NRG3: variants seen among roughly 807,000 people sequenced by gnomAD.
NRG3 encodes neuregulin 3, also known as pro-neuregulin-3, membrane-bound isoform.
Under a neutral mutation model 66.9 loss-of-function variants are expected in NRG3, and 31 were observed. The observed-to-expected ratio is 0.46, with a 90% CI of 0.35 to 0.63. NRG3 has a LOEUF of 0.63. Among genes scored for constraint, NRG3 ranks in the 20% least tolerant of loss-of-function variants. The probability of loss-of-function intolerance (pLI) is 0.00; values close to 1 mark genes in which losing one functional copy is unlikely to be tolerated. For missense variants in NRG3, 910 were observed against 878.9 expected, an observed-to-expected ratio of 1.04 and a Z score of -0.45; for synonymous variants, 393 against 359.4, an observed-to-expected ratio of 1.09 and a Z score of -1.06.
At chr10:82,523,721 C>T (rs1451057340) in intron 2 of NRG3, among the ~76,000 whole-genome samples, 3 of 152,048 alleles carry the variant, frequency 2.0e-5, no homozygotes. Flanking sequence ...TAATTCTATA[C>T]CAAAGGACAC....
chr10:82,192,590 C>T (rs1198534182), intron 1 of NRG3, among the ~76,000 whole-genome samples: 1 of 152,184 alleles, frequency 6.6e-6, no homozygotes, highest in Non-Finnish European at 1.5e-5. Context: ...TCCTGAGGCA[C>T]ATGACTTTGC....
At chr10:81,877,878 G>T in intron 1 of NRG3, 1 of 1,530,794 alleles carries the variant, frequency 6.5e-7, no homozygotes, top group South Asian at 1.2e-5. Context: ...GTGTATGTGT[G>T]AACATATTCA....
chr10:82,027,257 G>T (rs11192204), intron 1 of NRG3, among the ~76,000 whole-genome samples: 20,816 of 152,056 alleles, frequency 0.14, 1,790 homozygotes, highest in East Asian at 0.28. Flanking sequence ...TAAGTAAAGG[G>T]AATATTACAG....
chr10:82,791,943 T>C (rs1047518541), intron 3 of NRG3, among the ~76,000 whole-genome samples: 2 of 152,194 alleles, frequency 1.3e-5, no homozygotes, highest in African/African-American at 4.8e-5. Flanking sequence ...TTAGTGGACT[T>C]CTAGTTTTTA....
intron 1 of NRG3, among the ~76,000 whole-genome samples, chr10:82,077,488 C>T (rs777151356): frequency 9.2e-5 from 14 of 152,070 alleles, no homozygotes; most frequent in Admixed American, 7.9e-4. Flanking sequence ...AATTTCATAT[C>T]CCTTGGGGTA....
intron 1 of NRG3, among the ~76,000 whole-genome samples, chr10:82,170,662 A>T (rs893297628): frequency 1.1e-5 from 1 of 91,680 alleles, no homozygotes; most frequent in Non-Finnish European, 1.9e-5. Context: ...TGGTATATAT[A>T]TATATATATA....
intron 3 of NRG3, among the ~76,000 whole-genome samples, chr10:82,827,757 A>G (rs2062309201): frequency 6.6e-6 from 1 of 152,208 alleles, no homozygotes; most frequent in African/African-American, 2.4e-5. Flanking sequence ...CATATCTCCC[A>G]GAGTCAATTT....
intron 3 of NRG3, among the ~76,000 whole-genome samples, chr10:82,795,625 A>G (rs1429080222): frequency 6.6e-6 from 1 of 152,194 alleles, no homozygotes; most frequent in Non-Finnish European, 1.5e-5. Context: ...TCTTCTGGGC[A>G]GGGGCAAAAC....
chr10:82,021,782 TA>T (rs2062069694), intron 1 of NRG3, among the ~76,000 whole-genome samples: 2 of 123,354 alleles, frequency 1.6e-5, no homozygotes, highest in South Asian at 3.1e-4. Context: ...TTTGGGCATG[TA>T]GTATGTGTGT....
chr10:81,876,004 C>T lies in NRG3; in HGVS notation c.664C>T (p.Pro222Ser). ...AGGAACTCCAAGTACCCAGGCAATG[C>T]CCTCCTGGCCTACTGCGGCATACGC... The part of the protein sequence containing the change: ...VPGTPSTQAM[P>S]SWPTAAYATS... Residue 222 changes from proline to serine, a missense_variant, in exon 1 of 9, where the codon CCC becomes TCC. Pro to Ser is a moderately conservative substitution (Grantham distance 74). Coordinates refer to ENST00000372141, the MANE Select transcript of NRG3 (RefSeq NM_001010848.4). 6.2e-7 allele frequency: 1 copy of T among 1,613,962 alleles called. No individual in the cohort carries two copies. Among genetic ancestry groups the T allele is most frequent in the Non-Finnish European group, 8.5e-7 (1 of 1,180,000 alleles).
intron 1 of NRG3, among the ~76,000 whole-genome samples, chr10:82,313,340 A>T (rs2081130486): frequency 6.6e-6 from 1 of 152,130 alleles, no homozygotes; most frequent in Non-Finnish European, 1.5e-5. Context: ...CCATCTCAAA[A>T]AAATAAATAA....
chr10:82,776,563 A>G (rs746932580), intron 3 of NRG3, among the ~76,000 whole-genome samples: 14 of 152,148 alleles, frequency 9.2e-5, no homozygotes, highest in Non-Finnish European at 1.8e-4. Context: ...CATAATCTGA[A>G]TATTTATTCA....
At chr10:82,885,813 C>T (rs1267960633) in intron 4 of NRG3, among the ~76,000 whole-genome samples, 2 of 152,188 alleles carry the variant, frequency 1.3e-5, no homozygotes, top group East Asian at 3.9e-4. Context: ...CCGCCTGCCT[C>T]ATCCTCCCAA....
intron 6 of NRG3, among the ~76,000 whole-genome samples, chr10:82,972,176 T>G (rs542571661): frequency 6.6e-6 from 1 of 152,280 alleles, no homozygotes; most frequent in African/African-American, 2.4e-5. Context: ...AGTTTTTTCA[T>G]GTATTGTATA....
chr10:82,235,598 T>C (rs2076714898), intron 1 of NRG3, among the ~76,000 whole-genome samples: 1 of 152,210 alleles, frequency 6.6e-6, no homozygotes, highest in Admixed American at 6.5e-5. Flanking sequence ...TTTGCCACCC[T>C]AGCACTTTAT....
intron 1 of NRG3, among the ~76,000 whole-genome samples, chr10:82,170,852 A>G (rs988599915): frequency 1.3e-5 from 2 of 150,856 alleles, no homozygotes; most frequent in Admixed American, 6.6e-5. Flanking sequence ...CCCCCAATTG[A>G]TATTCCAATC....
chr10:82,564,997 T>C (rs1479162124), intron 2 of NRG3, among the ~76,000 whole-genome samples: 1 of 152,050 alleles, frequency 6.6e-6, no homozygotes. Context: ...AGATGACTAA[T>C]ACAATTAGAT....
At chr10:82,109,444 A>G (rs1362738514) in intron 1 of NRG3, among the ~76,000 whole-genome samples, 2 of 152,284 alleles carry the variant, frequency 1.3e-5, no homozygotes, top group Non-Finnish European at 2.9e-5. Flanking sequence ...AATAGATGAA[A>G]GCAGATTATT....
intron 2 of NRG3, among the ~76,000 whole-genome samples, chr10:82,450,207 T>C (rs1371025212): frequency 6.6e-6 from 1 of 152,158 alleles, no homozygotes; most frequent in Non-Finnish European, 1.5e-5. Context: ...TAAGTTAGGA[T>C]TTAATTACCC....
Sources: gnomAD v4.1 joint callset for allele counts (sites outside exome capture counted in the v4.1 genomes callset) on GRCh38, gnomAD v4.1.1 for gene constraint, MANE v1.5 for transcripts, NCBI Gene and HGNC (gene_info 2026-07-23, HGNC 2026-07-21) for gene names.